MTREX: variants seen among roughly 807,000 people sequenced by gnomAD.
MTREX encodes Mtr4 exosome RNA helicase, also known as exosome RNA helicase MTR4.
In MTREX, 76 loss-of-function variants were observed where a neutral mutation model predicts 135.4. The ratio of observed to expected loss-of-function variants is 0.56; its 90% confidence interval spans 0.47 to 0.68. The LOEUF is 0.68. Ranked by LOEUF, MTREX falls within the 30% of genes least tolerant of loss-of-function variation. The pLI, the probability that MTREX is intolerant of heterozygous loss-of-function variation, is 0.00. For missense variants in MTREX, 920 were observed against 1,262.1 expected (o/e 0.73, Z 4.11); for synonymous variants, 404 against 401.6 (o/e 1.01, Z -0.07).
At chr5:55,358,290 C>T (rs1749953152) in intron 14 of MTREX, among the ~76,000 whole-genome samples, 1 of 152,106 alleles carries the variant, frequency 6.6e-6, no homozygotes, top group African/African-American at 2.4e-5. Flanking sequence ...AAATTTTAGG[C>T]TTTAAATTTA....
intron 18 of MTREX, among the ~76,000 whole-genome samples, chr5:55,383,870 A>G (rs574200606): frequency 1.3e-5 from 2 of 152,278 alleles, no homozygotes; most frequent in African/African-American, 4.8e-5. Flanking sequence ...CCTGAGCTCA[A>G]GCAATCCTTC....
intron 23 of MTREX, among the ~76,000 whole-genome samples, chr5:55,413,200 G>A (rs1030599313): frequency 4.6e-5 from 7 of 151,928 alleles, no homozygotes; most frequent in African/African-American, 1.7e-4. Flanking sequence ...TTAGCTGGGC[G>A]TGGTGGCACT....
At chr5:55,309,064 G>A (rs753035017) in intron 1 of MTREX, among the ~76,000 whole-genome samples, 2 of 152,102 alleles carry the variant, frequency 1.3e-5, no homozygotes, top group African/African-American at 2.4e-5. Context: ...GTTCAAGAAA[G>A]GGAGATCCTA....
intron 21 of MTREX, among the ~76,000 whole-genome samples, chr5:55,402,818 T>TATG (rs1467292971): frequency 2.1e-5 from 1 of 46,524 alleles, no homozygotes; most frequent in Non-Finnish European, 5.0e-5. Context: ...TATAAGCACA[T>TATG]TATATGTGTG....
chr5:55,326,762 T>TG (rs34555117), intron 3 of MTREX, among the ~76,000 whole-genome samples: 1 of 152,208 alleles, frequency 6.6e-6, no homozygotes, highest in Admixed American at 6.5e-5. Context: ...TTTTGTTACA[T>TG]GGGTATACAC....
chr5:55,384,591 A>G (rs1750449494), intron 18 of MTREX, among the ~76,000 whole-genome samples: 1 of 151,876 alleles, frequency 6.6e-6, no homozygotes, highest in Admixed American at 6.6e-5. Flanking sequence ...CTCTTTTTTG[A>G]TAATATATTG....
chr5:55,401,129 G>T (rs1207232524), intron 21 of MTREX, among the ~76,000 whole-genome samples: 1 of 152,138 alleles, frequency 6.6e-6, no homozygotes, highest in East Asian at 1.9e-4. Context: ...CTGCCTCCCG[G>T]GTTCAAGTGA....
At position 55,416,077 on chromosome 5, in the gene MTREX, C is replaced by T; in HGVS notation, c.2916C>T (p.Thr972=). 2 of 1,595,176 alleles carry T rather than the reference C, an allele frequency of 1.3e-6. No homozygotes were observed. Residue 972 remains threonine (T), a synonymous_variant, in exon 25 of 27, where the codon ACC becomes ACT. Transcript: ENST00000230640. ...CTCACTTAATGGATGTAGTATATAC[C>T]TGGGCAACTGGAGCTACATTTGCCC... The part of the protein sequence containing the change: ...FKPHLMDVVY[T]WATGATFAHI...
At chr5:55,321,603 ATTTTTTTTTTT>A (rs570546421) in intron 1 of MTREX, among the ~76,000 whole-genome samples, 2 of 103,102 alleles carry the variant, frequency 1.9e-5, no homozygotes, top group Non-Finnish European at 4.1e-5. Flanking sequence ...CCAAACATCT[ATTTTTTTTTTT>A]TTTTTTTTTT....
chr5:55,397,655 A>G (rs230800), intron 20 of MTREX, 129 bp downstream of exon 20: 426,498 of 483,902 alleles, frequency 0.88, 188,767 homozygotes, highest in Admixed American at 0.92. Context: ...ACCAATAGTG[A>G]CAATTATTTT....
intron 12 of MTREX, among the ~76,000 whole-genome samples, chr5:55,350,709 C>CTA (rs1323777670): frequency 2.0e-5 from 3 of 152,152 alleles, no homozygotes; most frequent in African/African-American, 7.2e-5. Context: ...AGTATACTTA[C>CTA]TATATGCCTT....
chr5:55,425,090 A>T lies in MTREX; in HGVS notation c.*318A>T. 1 of 1,333,422 alleles carries T rather than the reference A, an allele frequency of 7.5e-7. No individual in the cohort carries two copies. The highest frequency in any genetic ancestry group is 1.5e-5 in the African/African-American group (1 of 67,988). The allele number at this position is 1,333,422 out of a possible 1,614,324, so 82.6% of individuals were successfully genotyped here. On this transcript the variant is annotated 3_prime_UTR_variant, in exon 27 of 27. Coordinates refer to ENST00000230640, the MANE Select transcript of MTREX (RefSeq NM_015360.5). Reference sequence around the variant, plus strand: ...AAAGTGTGCATCCAAGAGGCATAGCAGCAGCAGAAGTCTTTAAAGGCTTGT... The same window carrying T: ...AAAGTGTGCATCCAAGAGGCATAGCTGCAGCAGAAGTCTTTAAAGGCTTGT...
At chr5:55,369,920 T>TTC (rs1750168389) in intron 16 of MTREX, among the ~76,000 whole-genome samples, 1 of 151,460 alleles carries the variant, frequency 6.6e-6, no homozygotes, top group Admixed American at 6.6e-5. Context: ...TTTTTCTTTT[T>TTC]TTTTTTTTCT....
At chr5:55,410,492 T>A (rs767755618) in intron 22 of MTREX, 32 bp from the exon 23 acceptor site, 94 of 1,319,028 alleles carry the variant, frequency 7.1e-5, no homozygotes, top group Non-Finnish European at 1.3e-5. Context: ...CTTTATATTC[T>A]GACATTTTAT....
At chr5:55,418,917 C>T (rs1340774769) in intron 25 of MTREX, among the ~76,000 whole-genome samples, 1 of 152,156 alleles carries the variant, frequency 6.6e-6, no homozygotes, top group African/African-American at 2.4e-5. Flanking sequence ...GATCTTGGCT[C>T]ACTGCACCCT....
chr5:55,309,517 G>T (rs1172722392), intron 1 of MTREX, among the ~76,000 whole-genome samples: 1 of 152,052 alleles, frequency 6.6e-6, no homozygotes, highest in Non-Finnish European at 1.5e-5. Flanking sequence ...GGAAAAAATG[G>T]ACAGGCCTTC....
intron 16 of MTREX, among the ~76,000 whole-genome samples, chr5:55,370,080 C>G (rs1332056156): frequency 6.6e-6 from 1 of 151,964 alleles, no homozygotes; most frequent in African/African-American, 2.4e-5. Context: ...TGCACCACCA[C>G]GCCCAGCTAA....
At chr5:55,342,013 TCTCCA>T (rs1561191794) in intron 7 of MTREX, among the ~76,000 whole-genome samples, 1 of 152,144 alleles carries the variant, frequency 6.6e-6, no homozygotes, top group Non-Finnish European at 1.5e-5. Context: ...GCAGCCTTGA[TCTCCA>T]TCTCAGTCCC....
At chr5:55,424,325 A>G (rs550226267) in intron 26 of MTREX, 33 of 154,906 alleles carry the variant, frequency 2.1e-4, no homozygotes, top group South Asian at 4.0e-4. Context: ...TTGTATTTCT[A>G]GTAGAGACGG....
Sources: gnomAD v4.1 joint callset for allele counts (sites outside exome capture counted in the v4.1 genomes callset) on GRCh38, gnomAD v4.1.1 for gene constraint, MANE v1.5 for transcripts, NCBI Gene and HGNC (gene_info 2026-07-23, HGNC 2026-07-21) for gene names.